The following OR9Q1 variants were observed in gnomAD, a reference collection of about 807,000 sequenced individuals.
OR9Q1 encodes olfactory receptor 9Q1.
For missense variants in OR9Q1, 374 were observed against 378.8 expected (o/e 0.99, Z 0.11); for synonymous variants, 153 against 148.6 (o/e 1.03, Z -0.22).
At chr11:58,091,963 C>T (rs1331797054) in intron 2 of OR9Q1, among the ~76,000 whole-genome samples, 1 of 149,732 alleles carries the variant, frequency 6.7e-6, no homozygotes, top group East Asian at 2.0e-4. Context: ...GGATTGCAAC[C>T]CTTGCCTTTT....
chr11:58,088,910 C>G (rs1428051065), intron 2 of OR9Q1, among the ~76,000 whole-genome samples: 1 of 151,508 alleles, frequency 6.6e-6, no homozygotes, highest in Non-Finnish European at 1.5e-5. Context: ...GAGTTTCGCT[C>G]TTGTTGCTCA....
intron 2 of OR9Q1, among the ~76,000 whole-genome samples, chr11:58,098,837 A>G (rs1853756609): frequency 6.6e-6 from 1 of 152,056 alleles, no homozygotes; most frequent in African/African-American, 2.4e-5. Context: ...CTTTCCTACT[A>G]CAGTCATTTA....
At chr11:58,148,900 A>T (rs1191171359) in intron 2 of OR9Q1, among the ~76,000 whole-genome samples, 1 of 152,180 alleles carries the variant, frequency 6.6e-6, no homozygotes, top group African/African-American at 2.4e-5. Context: ...CTTCATGGAC[A>T]TTATACAATT....
At chr11:58,039,189 C>T (rs1164401697) in intron 1 of OR9Q1, among the ~76,000 whole-genome samples, 1 of 152,086 alleles carries the variant, frequency 6.6e-6, no homozygotes, top group East Asian at 1.9e-4. Context: ...GGGCTTTCAC[C>T]ATTTGGCCAG....
In OR9Q1 at chr11:58,180,328, A is replaced by G. The variant is rs1348290201; in HGVS notation, c.884A>G (p.Glu295Gly). ...CTCATCTACAGCCTGAGGAACAAGG[A>G]AGTGAAGGAGGCCCTGAGAAAAATT... Reference protein sequence around the residue: ...NPLIYSLRNKEVKEALRKILN... With the variant: ...NPLIYSLRNKGVKEALRKILN... Residue 295 changes from glutamate to glycine, a missense_variant, in exon 3 of 3, where the codon GAA becomes GGA. Glu to Gly is a moderately conservative substitution (Grantham distance 98, BLOSUM62 -2). Transcript: ENST00000335397. The G allele has an allele frequency of 1.2e-6, 2 of 1,606,512 alleles. No individual in the cohort carries two copies. Among genetic ancestry groups the G allele is most frequent in the Non-Finnish European group, 1.7e-6 (2 of 1,175,338 alleles).
intron 2 of OR9Q1, among the ~76,000 whole-genome samples, chr11:58,070,348 C>G (rs1853475634): frequency 6.6e-6 from 1 of 151,922 alleles, no homozygotes; most frequent in African/African-American, 2.4e-5. Flanking sequence ...TGAAAACAAT[C>G]ACTTCAGATG....
At chr11:58,118,486 C>T in intron 2 of OR9Q1, 4 of 1,530,058 alleles carry the variant, frequency 2.6e-6, no homozygotes, top group Non-Finnish European at 3.5e-6. Context: ...AACAAGAATT[C>T]CTCTTACTTA....
intron 2 of OR9Q1, among the ~76,000 whole-genome samples, chr11:58,082,762 AATAATAAT>A (rs1209696909): frequency 4.6e-5 from 6 of 130,192 alleles, no homozygotes; most frequent in African/African-American, 1.3e-4. Flanking sequence ...TAATAATAAT[AATAATAAT>A]AAAAAGTTAG....
At chr11:58,036,214 C>T (rs964780959) in intron 1 of OR9Q1, among the ~76,000 whole-genome samples, 16 of 152,168 alleles carry the variant, frequency 1.1e-4, no homozygotes, top group Non-Finnish European at 1.8e-4. Flanking sequence ...TGTGTTCCGA[C>T]TGCTTCACTG....
chr11:58,162,096 T>C (rs1191856965), intron 2 of OR9Q1, among the ~76,000 whole-genome samples: 1 of 152,188 alleles, frequency 6.6e-6, no homozygotes, highest in Non-Finnish European at 1.5e-5. Flanking sequence ...TGATTTATAT[T>C]TTAGAGAAAC....
At chr11:58,139,872 A>G (rs933210287) in intron 2 of OR9Q1, among the ~76,000 whole-genome samples, 1 of 151,846 alleles carries the variant, frequency 6.6e-6, no homozygotes, top group Non-Finnish European at 1.5e-5. Flanking sequence ...GACTTCCACA[A>G]TGGTTGAACT....
At chr11:58,053,589 A>G (rs1361485375) in intron 1 of OR9Q1, among the ~76,000 whole-genome samples, 2 of 121,542 alleles carry the variant, frequency 1.6e-5, no homozygotes, top group South Asian at 5.1e-4. Flanking sequence ...CCTAAAACTT[A>G]AAGTATAATA....
chr11:58,056,998 T>A (rs1201022850), intron 2 of OR9Q1, among the ~76,000 whole-genome samples: 1 of 143,746 alleles, frequency 7.0e-6, no homozygotes, highest in Non-Finnish European at 1.5e-5. Context: ...TTTTTTTTTT[T>A]TTTTTTTTTT....
intron 2 of OR9Q1, among the ~76,000 whole-genome samples, chr11:58,074,755 C>G (rs1853523028): frequency 6.6e-6 from 1 of 152,118 alleles, no homozygotes; most frequent in Admixed American, 6.6e-5. Context: ...GCATTGAAGT[C>G]TTTAATCCAT....
intron 2 of OR9Q1, among the ~76,000 whole-genome samples, chr11:58,143,919 G>T (rs1280144335): frequency 6.6e-6 from 1 of 152,090 alleles, no homozygotes; most frequent in Non-Finnish European, 1.5e-5. Flanking sequence ...GAAGGATCAA[G>T]TAAAATAAAG....
At chr11:58,031,186 T>G (rs911858939) in intron 1 of OR9Q1, 12 of 1,614,048 alleles carry the variant, frequency 7.4e-6, no homozygotes, top group Admixed American at 1.7e-5. Flanking sequence ...ACACTTCTGT[T>G]ACAGTGCCCA....
chr11:58,032,016 C>A, intron 1 of OR9Q1: 4 of 618,742 alleles, frequency 6.5e-6, no homozygotes, highest in Non-Finnish European at 8.4e-6. Context: ...ATAACAGCCA[C>A]AAAAAATACA....
chr11:58,039,447 C>G (rs896446923), intron 1 of OR9Q1, among the ~76,000 whole-genome samples: 1 of 152,318 alleles, frequency 6.6e-6, no homozygotes, highest in Admixed American at 6.5e-5. Flanking sequence ...TGCCTTGATA[C>G]GTTGAGATAT....
At chr11:58,106,916 A>T (rs113793441) in intron 2 of OR9Q1, among the ~76,000 whole-genome samples, 7 of 152,144 alleles carry the variant, frequency 4.6e-5, no homozygotes, top group African/African-American at 1.4e-4. Context: ...AGGAAATGTG[A>T]TGCCTCTGGC....
Sources: gnomAD v4.1 joint callset for allele counts (sites outside exome capture counted in the v4.1 genomes callset) on GRCh38, gnomAD v4.1.1 for gene constraint, MANE v1.5 for transcripts, NCBI Gene and HGNC (gene_info 2026-07-23, HGNC 2026-07-21) for gene names.